Variants in NFIA observed in about 807,000 individuals in gnomAD.
The protein encoded by NFIA is nuclear factor 1 A-type.
Under a neutral mutation model 62.8 loss-of-function variants are expected in NFIA, and 8 were observed. The ratio of observed to expected loss-of-function variants is 0.13; its 90% CI spans 0.07 to 0.23. The LOEUF (loss-of-function observed/expected upper bound fraction) is 0.23, where lower values mean the gene tolerates loss of function less well. NFIA is among the 10% of genes least tolerant of loss of function. NFIA has a pLI of 1.00. For synonymous variants in NFIA, 235 were observed against 238.1 expected, an observed-to-expected ratio of 0.99 and a Z score of 0.12; for missense variants, 410 against 642.1, an observed-to-expected ratio of 0.64 and a Z score of 3.91.
chr1:61,238,344 T>C (rs1205607320), intron 2 of NFIA, among the ~76,000 whole-genome samples: 1 of 152,238 alleles, frequency 6.6e-6, no homozygotes, highest in African/African-American at 2.4e-5. Context: ...GTTTCGAATA[T>C]GATTGGCCTA....
In NFIA at chr1:61,393,244, C is replaced by CCTCTCTCTCT. The variant is rs766730638; in HGVS notation, c.1075+9917_1075+9926dup. ...ATGGTTTCTTCTGCCTCGCCCTCTCCCTCTCTCTCTCTCTCTCTCTCTCTC... is the reference window on the plus strand; with the variant it reads ...ATGGTTTCTTCTGCCTCGCCCTCTCCCTCTCTCTCTCTCTCTCTCTCTCTCTCTCTCTCTC... On this transcript the variant is annotated intron_variant, in intron 7 of 10. Transcript: ENST00000403491. Among the ~76,000 whole-genome samples, 21 of 29,090 alleles carry CCTCTCTCTCT rather than the reference C, an allele frequency of 7.2e-4. 1 individual carries two copies. The highest frequency in any genetic ancestry group is 9.5e-4 in the Non-Finnish European group (17 of 17,924). The allele number at this position is 29,090 out of a possible 152,430, so 19.1% of individuals were successfully genotyped here.
chr1:61,199,999 AATATATATATGTATATATATATATATAT>A (rs1557631674), intron 2 of NFIA, among the ~76,000 whole-genome samples: 2 of 116,288 alleles, frequency 1.7e-5, no homozygotes, highest in Admixed American at 9.5e-5. Flanking sequence ...CAACTCACAA[AATATATATATGTATATATATATATATAT>A]ATATATATAT....
At chr1:61,224,652 C>T (rs1306881021) in intron 2 of NFIA, among the ~76,000 whole-genome samples, 2 of 152,094 alleles carry the variant, frequency 1.3e-5, no homozygotes, top group East Asian at 1.9e-4. Flanking sequence ...CCATTTGGTA[C>T]CAAGTGCCTG....
At chr1:61,429,573 C>T (rs908714880) in intron 10 of NFIA, among the ~76,000 whole-genome samples, 1 of 152,112 alleles carries the variant, frequency 6.6e-6, no homozygotes, top group Non-Finnish European at 1.5e-5. Flanking sequence ...TAGCGTATAC[C>T]CCCAAAAATG....
intron 2 of NFIA, among the ~76,000 whole-genome samples, chr1:61,092,180 G>A (rs1255163400): frequency 6.6e-6 from 1 of 152,290 alleles, no homozygotes; most frequent in Non-Finnish European, 1.5e-5. Context: ...CTAAATCACA[G>A]TGAGCCATCT....
chr1:61,188,690 G>A (rs1405214810), intron 2 of NFIA, among the ~76,000 whole-genome samples: 3 of 152,172 alleles, frequency 2.0e-5, no homozygotes, highest in Non-Finnish European at 4.4e-5. Flanking sequence ...ATCTGTTCTT[G>A]TAATGTAGAA....
Position 61,140,530 on chromosome 1 carries a change from T to TCATG in NFIA, c.559+51850_559+51851insCATG, listed in dbSNP as rs1647427895. ...ATCATGTTTTCTATGTGTAGAAAAG[T>TCATG]TTTCTCTTCGCAATGGCTTTACATA... is the stretch of plus-strand genomic sequence containing the variant. On this transcript the variant is annotated intron_variant, in intron 2 of 10. Coordinates refer to ENST00000403491, the MANE Select transcript of NFIA (RefSeq NM_001134673.4). Among the ~76,000 whole-genome samples the TCATG allele has an allele frequency of 5.3e-5, 8 of 152,136 alleles. No individual in the cohort carries two copies. The South Asian group carries it at 1.7e-3, about 32-fold the overall frequency.
intron 4 of NFIA, among the ~76,000 whole-genome samples, chr1:61,333,475 T>C (rs1661418795): frequency 6.6e-6 from 1 of 152,168 alleles, no homozygotes; most frequent in Non-Finnish European, 1.5e-5. Flanking sequence ...TCTGTTCTTA[T>C]TTTAGCCACT....
At chr1:61,229,997 G>A (rs1654571910) in intron 2 of NFIA, among the ~76,000 whole-genome samples, 1 of 151,946 alleles carries the variant, frequency 6.6e-6, no homozygotes, top group Non-Finnish European at 1.5e-5. Flanking sequence ...TAGAAGTTTT[G>A]GACAATGTCA....
rs1187696950 is a variant in NFIA at position 61,459,285 on chromosome 1, G to GTTTT, written c.*3968_*3971dup. ...GTGTTTTTTGTTTGTTTGTTTGTTT[G>GTTTT]TTTTTTCTTTGGGAACTGAAGTCAG... is the stretch of plus-strand genomic sequence containing the variant. On this transcript the variant is annotated 3_prime_UTR_variant, in exon 11 of 11. Transcript: ENST00000403491. The GTTTT allele has an allele frequency of 2.6e-5, 4 of 152,306 alleles. No homozygotes were observed. Among genetic ancestry groups the GTTTT allele is most frequent in the African/African-American group, 9.7e-5 (4 of 41,404 alleles). 9.4% of individuals were successfully genotyped at this position (152,306 alleles called of 1,614,324 possible).
chr1:61,374,668 A>G (rs1243746253), intron 6 of NFIA, among the ~76,000 whole-genome samples: 1 of 152,128 alleles, frequency 6.6e-6, no homozygotes. Flanking sequence ...TTTTTTAAAA[A>G]CTGAAGAAAT....
intron 2 of NFIA, among the ~76,000 whole-genome samples, chr1:61,252,369 T>C (rs949033349): frequency 1.3e-5 from 2 of 152,218 alleles, no homozygotes; most frequent in African/African-American, 2.4e-5. Context: ...ACTAGTCTTA[T>C]TTGTATCACC....
chr1:61,427,602 C>T (rs886410805), intron 10 of NFIA, among the ~76,000 whole-genome samples: 1 of 152,228 alleles, frequency 6.6e-6, no homozygotes, highest in Middle Eastern at 3.4e-3. Context: ...GGTCCATTTG[C>T]CCCCTCTGTA....
At chr1:61,412,487 G>A (rs1409485664) in intron 9 of NFIA, among the ~76,000 whole-genome samples, 2 of 152,146 alleles carry the variant, frequency 1.3e-5, no homozygotes, top group Admixed American at 6.5e-5. Flanking sequence ...CACATTAGAT[G>A]TGGGTTGAGA....
chr1:61,078,191 T>G (rs765748951), upstream of NFIA, among the ~76,000 whole-genome samples: 1 of 151,718 alleles, frequency 6.6e-6, no homozygotes, highest in Non-Finnish European at 1.5e-5. Context: ...GGGGATGGTG[T>G]GGTTCAAGCT....
intron 3 of NFIA, among the ~76,000 whole-genome samples, chr1:61,291,178 T>C (rs929200670): frequency 2.0e-5 from 3 of 152,224 alleles, no homozygotes; most frequent in African/African-American, 7.2e-5. Flanking sequence ...CAGTCAAGAC[T>C]GGTTGTTGCA....
chr1:61,294,092 TTTGACA>T lies in NFIA; in HGVS notation c.625+16508_625+16513del, dbSNP rs1164407410. 2.0e-5 allele frequency among the ~76,000 whole-genome samples: 3 copies of T among 152,210 alleles called. No individual in the cohort carries two copies. In the East Asian group the frequency reaches 5.8e-4, roughly 29 times the overall value. On this transcript the variant is annotated intron_variant, in intron 3 of 10. Transcript: ENST00000403491. ...ATTTTCCTGCTGACCACTTGGTCAC[TTTGACA>T]CAGTTTACTAGAGAAGTTTGATTTG...
intron 9 of NFIA, 40 bp from the exon 10 acceptor site, chr1:61,426,425 C>A (rs750395339): frequency 7.3e-7 from 1 of 1,369,324 alleles, no homozygotes; most frequent in Non-Finnish European, 1.0e-6. Context: ...TGTGCAATCT[C>A]GTGCCGCTTC....
intron 2 of NFIA, among the ~76,000 whole-genome samples, chr1:61,186,450 A>C (rs11799373): frequency 6.6e-6 from 1 of 152,156 alleles, no homozygotes; most frequent in Admixed American, 6.5e-5. Context: ...GTACTAGGCA[A>C]TGGGCGTGCA....
Sources: gnomAD v4.1 joint callset for allele counts (sites outside exome capture counted in the v4.1 genomes callset) on GRCh38, gnomAD v4.1.1 for gene constraint, MANE v1.5 for transcripts, NCBI Gene and HGNC (gene_info 2026-07-23, HGNC 2026-07-21) for gene names.